STRN: variants seen among roughly 807,000 people sequenced by gnomAD.
STRN encodes the protein protein phosphatase 2 regulatory subunit B'''alpha.
A neutral mutation model predicts 96.3 loss-of-function variants in STRN; 53 were observed. That is an observed-to-expected ratio of 0.55 (90% confidence interval 0.44 to 0.69). STRN has a LOEUF of 0.69. Ranked by LOEUF, STRN falls within the 30% of genes least tolerant of loss-of-function variation. The probability of loss-of-function intolerance (pLI) is 0.00; values close to 1 mark genes in which losing one functional copy is unlikely to be tolerated. For missense variants in STRN, 987 were observed against 963.9 expected (o/e 1.02, Z -0.32); for synonymous variants, 428 against 355.9 (o/e 1.20, Z -2.28).
At chr2:36,948,870 TG>T (rs1664680569) in intron 1 of STRN, among the ~76,000 whole-genome samples, 1 of 152,194 alleles carries the variant, frequency 6.6e-6, no homozygotes, top group Admixed American at 6.5e-5. Flanking sequence ...ATCTACAAGG[TG>T]GTCGAAGGAC....
At chr2:36,949,698 T>TA (rs1037119010) in intron 1 of STRN, among the ~76,000 whole-genome samples, 3 of 152,062 alleles carry the variant, frequency 2.0e-5, no homozygotes, top group African/African-American at 7.2e-5. Context: ...CTAGAAAGGG[T>TA]AAACTGGGGG....
At chr2:36,933,983 G>A (rs1194626589) in intron 1 of STRN, among the ~76,000 whole-genome samples, 3 of 152,056 alleles carry the variant, frequency 2.0e-5, no homozygotes, top group Non-Finnish European at 4.4e-5. Flanking sequence ...GTGGTGGCGG[G>A]CGCCTGTAGT....
intron 6 of STRN, among the ~76,000 whole-genome samples, chr2:36,895,253 G>A (rs1192779302): frequency 6.6e-6 from 1 of 151,858 alleles, no homozygotes; most frequent in Non-Finnish European, 1.5e-5. Flanking sequence ...CGTGAACCTG[G>A]GAGGCAGAGC....
rs1249787032 is a variant in STRN at position 36,846,270 on chromosome 2, A to G, written c.*3186T>C. 1.3e-5 allele frequency: 2 copies of G among 149,260 alleles called. No individual in the cohort carries two copies. Among genetic ancestry groups the G allele is most frequent in the African/African-American group, 4.9e-5 (2 of 40,594 alleles). The allele number at this position is 149,260 out of a possible 1,614,324, so 9.2% of individuals were successfully genotyped here. A position where few individuals can be genotyped will look rare whatever the true frequency, so the allele number is the denominator to read the frequency against. On this transcript the variant is annotated 3_prime_UTR_variant, in exon 18 of 18. Transcript: ENST00000263918. ...TGTATATACAGTAATTTAAACACTT[A>G]GAACTATATATTATACTGCAAAAGC...
Position 36,851,087 on chromosome 2 carries a change from T to G in STRN, c.1999A>C (p.Ile667Leu). 6.2e-7 allele frequency: 1 copy of G among 1,613,476 alleles called. No homozygotes were observed. The highest frequency in any genetic ancestry group is 8.5e-7 in the Non-Finnish European group (1 of 1,179,764). Residue 667 changes from isoleucine (I) to leucine (L), a missense_variant, in exon 16 of 18, where the codon ATA (isoleucine) becomes CTA (leucine). Coordinates refer to ENST00000263918, the MANE Select transcript of STRN (RefSeq NM_003162.4). ...GTAGGATGACTGATGACTCTATTTA[T>G]TTGGCAGGAAGAGTTGGCTGCTAAA... ...VDTTANSSCQ[I>L]NRVISHPTLP...
chr2:36,949,448 C>G (rs774357649), intron 1 of STRN, among the ~76,000 whole-genome samples: 3 of 151,984 alleles, frequency 2.0e-5, no homozygotes, highest in Admixed American at 6.6e-5. Flanking sequence ...TTTTTAGAAG[C>G]CTGGGAGGCA....
At chr2:36,908,378 A>G (rs1168754478) in intron 3 of STRN, among the ~76,000 whole-genome samples, 1 of 152,220 alleles carries the variant, frequency 6.6e-6, no homozygotes, top group Non-Finnish European at 1.5e-5. Context: ...TTACTGATAC[A>G]AACATACATA....
chr2:36,884,670 A>G (rs988010418), intron 8 of STRN, among the ~76,000 whole-genome samples: 3 of 152,202 alleles, frequency 2.0e-5, no homozygotes, highest in African/African-American at 7.2e-5. Flanking sequence ...TTGTTCCTAT[A>G]CCAGCAAAGA....
chr2:36,913,776 A>G (rs1014629389), intron 3 of STRN, among the ~76,000 whole-genome samples: 1 of 152,228 alleles, frequency 6.6e-6, no homozygotes, highest in Non-Finnish European at 1.5e-5. Flanking sequence ...ACTGAGAATA[A>G]CTAGGTATTG....
chr2:36,904,838 C>CTGAATGAA lies in STRN; in HGVS notation c.491+694_491+701dup, dbSNP rs150507744. ...GTGAGACTCCATCTCAAATGAATGACTGAATGAATGAATGAATGAATGAAT... is the reference window on the plus strand; with the variant it reads ...GTGAGACTCCATCTCAAATGAATGACTGAATGAATGAATGAATGAATGAATGAATGAAT... On this transcript the variant is annotated intron_variant, in intron 4 of 17. Coordinates refer to ENST00000263918, the MANE Select transcript of STRN (RefSeq NM_003162.4). 5.4e-4 allele frequency among the ~76,000 whole-genome samples: 82 copies of CTGAATGAA among 151,796 alleles called. 1 individual carries two copies. The East Asian group carries it at 6.3e-3, about 12-fold the overall frequency.
chr2:36,843,686 C>G lies in STRN; in HGVS notation c.*5770G>C, dbSNP rs1203476520. 3 of 152,092 alleles carry G rather than the reference C, an allele frequency of 2.0e-5. No individual in the cohort carries two copies. Among genetic ancestry groups the G allele is most frequent in the African/African-American group, 7.2e-5 (3 of 41,416 alleles). 9.4% of individuals were successfully genotyped at this position (152,092 alleles called of 1,614,324 possible). A position where few individuals can be genotyped will look rare whatever the true frequency, so the allele number is the denominator to read the frequency against. On this transcript the variant is annotated 3_prime_UTR_variant, in exon 18 of 18. Coordinates refer to ENST00000263918, the MANE Select transcript of STRN (RefSeq NM_003162.4). ...ATTTCTCTGCACCCCTCTACAACTC[C>G]TCCCCCAAAAGCCCCAAATCAGACT...
rs1159531782 is a variant in STRN at position 36,957,744 on chromosome 2, C to CTTTTTTTTTTTTTT, written c.234+8472_234+8485dup. Among the ~76,000 whole-genome samples the CTTTTTTTTTTTTTT allele has an allele frequency of 4.4e-4, 39 of 89,206 alleles. 7 individuals carry two copies. In the East Asian group the frequency reaches 5.6e-3, roughly 13 times the overall value. 58.5% of individuals were successfully genotyped at this position (89,206 alleles called of 152,430 possible). ...TTAGTCTCATAGTTCTTCTTTTTGTCTTTTTTTTTTTTTTTTTTTTTTTTT... is the reference window on the plus strand; with the variant it reads ...TTAGTCTCATAGTTCTTCTTTTTGTCTTTTTTTTTTTTTTTTTTTTTTTTTTTTTTTTTTTTTTT... On this transcript the variant is annotated intron_variant, in intron 1 of 17. Transcript: ENST00000263918.
At chr2:36,921,842 C>A (rs1473673708) in intron 2 of STRN, among the ~76,000 whole-genome samples, 2 of 152,118 alleles carry the variant, frequency 1.3e-5, no homozygotes, top group Non-Finnish European at 2.9e-5. Flanking sequence ...GTATTTCATA[C>A]TCTATCTTGC....
chr2:36,936,330 T>C (rs1349637510), intron 1 of STRN, among the ~76,000 whole-genome samples: 1 of 152,198 alleles, frequency 6.6e-6, no homozygotes, highest in Non-Finnish European at 1.5e-5. Flanking sequence ...GTTTTGGTTT[T>C]ATTTTCTTCT....
At chr2:36,942,699 T>C (rs1670875578) in intron 1 of STRN, among the ~76,000 whole-genome samples, 1 of 151,770 alleles carries the variant, frequency 6.6e-6, no homozygotes, top group Admixed American at 6.6e-5. Flanking sequence ...TTAGCATCAA[T>C]TTTTCTTTTT....
At chr2:36,874,047 A>C (rs2717516) in intron 10 of STRN, among the ~76,000 whole-genome samples, 126,243 of 150,900 alleles carry the variant, frequency 0.84, 55,428 homozygotes, top group Non-Finnish European at 0.96. Context: ...CAAGGTCAGG[A>C]GATCAAGACC....
At position 36,907,624 on chromosome 2, in the gene STRN, C is replaced by A. The variant is rs1669858186; in HGVS notation, c.413-2006G>T. Among the ~76,000 whole-genome samples, 3 of 152,146 alleles carry A rather than the reference C, an allele frequency of 2.0e-5. No homozygotes were observed. The South Asian group carries it at 6.2e-4, about 32-fold the overall frequency. ...CATACATTATCTCTTTTATTCCTTA[C>A]AACCTCAAAGATAGGTACTTAGCCT... On this transcript the variant is annotated intron_variant, in intron 3 of 17. Transcript: ENST00000263918.
rs767141239 is a variant in STRN at position 36,902,698 on chromosome 2, C to T, written c.545G>A (p.Arg182Gln). 29 of 1,610,712 alleles carry T rather than the reference C, an allele frequency of 1.8e-5. No homozygotes were observed. The highest frequency in any genetic ancestry group is 2.2e-5 in the East Asian group (1 of 44,748). The change falls in exon 5 of 18, where the codon CGA becomes CAA. Residue 182 changes from arginine (R) to glutamine (Q), a missense_variant. Arg to Gln is a conservative substitution (Grantham distance 43). Coordinates refer to ENST00000263918, the MANE Select transcript of STRN (RefSeq NM_003162.4). ...TDTILDVKSKRVRALLGFSSD... is the reference protein window; with the variant it reads ...TDTILDVKSKQVRALLGFSSD... ...TGAAAAGCCCAACAAAGCTCGCACTCGTTTAGATTTCACATCTAGAATAGT... is the reference window on the plus strand; with the variant it reads ...TGAAAAGCCCAACAAAGCTCGCACTTGTTTAGATTTCACATCTAGAATAGT...
At chr2:36,915,483 A>G (rs552673843) in intron 3 of STRN, among the ~76,000 whole-genome samples, 35 of 151,954 alleles carry the variant, frequency 2.3e-4, no homozygotes, top group Admixed American at 2.2e-3. Context: ...CTGATTTACA[A>G]GTAATATTTT....
Sources: allele counts gnomAD v4.1 joint callset (sites outside exome capture counted in the v4.1 genomes callset), GRCh38; gene constraint gnomAD v4.1.1; transcripts MANE v1.5; gene names NCBI Gene and HGNC (gene_info 2026-07-23, HGNC 2026-07-21).